Variants in SAXO1 observed in about 807,000 individuals in gnomAD.
The protein encoded by SAXO1 is 4930500O09Rik.
A neutral mutation model predicts 17.5 loss-of-function variants in SAXO1; 21 were observed. That is an observed-to-expected ratio of 1.20 (90% CI 0.85 to 1.72). The LOEUF (loss-of-function observed/expected upper bound fraction) is 1.72. Ranked by LOEUF, SAXO1 falls within the 40% of genes most tolerant of loss-of-function variation. The pLI, the probability that SAXO1 is intolerant of heterozygous loss-of-function variation, is 0.00. For missense variants in SAXO1, 843 were observed against 596.0 expected (o/e 1.41, Z -4.32); for synonymous variants, 274 against 216.5 (o/e 1.27, Z -2.33).
In SAXO1 at chr9:18,928,118, C is replaced by T. The variant is rs1291973238; in HGVS notation, c.1359G>A (p.Gln453=). The change falls in exon 4 of 4, where the codon CAG becomes CAA. Residue 453 remains glutamine, a synonymous_variant. Coordinates refer to ENST00000380534, the MANE Select transcript of SAXO1 (RefSeq NM_153707.4). ...YKPVSQAGSQ[Q]SSHLSVDDSE... ...AATCATCTACAGAAAGATGGCTGCTCTGCTGAGAGCCTGCCTGGGAAACTG... is the reference window on the plus strand; with the variant it reads ...AATCATCTACAGAAAGATGGCTGCTTTGCTGAGAGCCTGCCTGGGAAACTG... 2 of 1,614,134 alleles carry T rather than the reference C, an allele frequency of 1.2e-6. No homozygotes were observed. The highest frequency in any genetic ancestry group is 1.7e-6 in the Non-Finnish European group (2 of 1,179,986).
intron 1 of SAXO1, among the ~76,000 whole-genome samples, chr9:19,019,864 G>C (rs750185575): frequency 3.9e-5 from 6 of 152,010 alleles, no homozygotes; most frequent in Non-Finnish European, 8.8e-5. Flanking sequence ...TCCACATTCT[G>C]AACAACCCAG....
intron 1 of SAXO1, among the ~76,000 whole-genome samples, chr9:19,043,145 C>T (rs1836117856): frequency 1.3e-5 from 2 of 151,904 alleles, no homozygotes; most frequent in South Asian, 4.2e-4. Context: ...ACACTCCAGC[C>T]TGAGCAACAG....
At chr9:18,974,971 T>A (rs1016437015) in intron 1 of SAXO1, among the ~76,000 whole-genome samples, 2 of 152,156 alleles carry the variant, frequency 1.3e-5, no homozygotes, top group African/African-American at 4.8e-5. Context: ...AGTGGAGAAA[T>A]CTGGCAGACT....
intron 1 of SAXO1, among the ~76,000 whole-genome samples, chr9:19,042,655 G>A (rs1836104241): frequency 6.6e-6 from 1 of 152,084 alleles, no homozygotes; most frequent in Admixed American, 6.5e-5. Context: ...CAGAGGTTGG[G>A]AATTCAAAAC....
Position 18,928,042 on chromosome 9 carries a change from T to C in SAXO1, c.*10A>G, listed in dbSNP as rs779803261. ...GTACTGTGTAATTTCTAAATTACTA[T>C]TTTTCAAAATCAGGCTAACACTTCC... is the stretch of plus-strand genomic sequence containing the variant. On this transcript the variant is annotated 3_prime_UTR_variant, in exon 4 of 4. Transcript: ENST00000380534. 274 of 1,552,284 alleles carry C rather than the reference T, an allele frequency of 1.8e-4. No individual in the cohort carries two copies. The highest frequency in any genetic ancestry group is 2.2e-4 in the Non-Finnish European group (253 of 1,146,626).
chr9:18,967,126 C>T (rs1832751764), intron 1 of SAXO1, among the ~76,000 whole-genome samples: 1 of 152,164 alleles, frequency 6.6e-6, no homozygotes, highest in Admixed American at 6.5e-5. Context: ...AAGCTTCATC[C>T]CAGAGGGGCA....
chr9:19,028,007 CTG>C, intron 1 of SAXO1: 8 of 1,603,050 alleles, frequency 5.0e-6, no homozygotes, highest in Non-Finnish European at 6.8e-6. Context: ...CAGTGCAAGG[CTG>C]TGTCTGTGGA....
chr9:19,031,350 C>T (rs111595256), intron 1 of SAXO1, among the ~76,000 whole-genome samples: 16,166 of 152,222 alleles, frequency 0.11, 1,007 homozygotes, highest in Non-Finnish European at 0.14. Context: ...CACCTGAGAT[C>T]AGGAGTTCAA....
chr9:19,015,292 A>G (rs1191848292), intron 1 of SAXO1, among the ~76,000 whole-genome samples: 1 of 152,120 alleles, frequency 6.6e-6, no homozygotes, highest in Non-Finnish European at 1.5e-5. Flanking sequence ...CAGCCTCCCA[A>G]GTAATTGGGA....
chr9:19,017,095 G>A (rs1184616668), intron 1 of SAXO1, among the ~76,000 whole-genome samples: 2 of 152,054 alleles, frequency 1.3e-5, no homozygotes, highest in Non-Finnish European at 2.9e-5. Context: ...GATTGCTTGA[G>A]CCCAGGAGTT....
intron 2 of SAXO1, among the ~76,000 whole-genome samples, chr9:18,950,045 T>C (rs1831966833): frequency 6.6e-6 from 1 of 152,152 alleles, no homozygotes; most frequent in South Asian, 2.1e-4. Flanking sequence ...GGTCACTAAC[T>C]GAGTTGTCCA....
rs531065410 is a variant in SAXO1, at chr9:18,962,240, G to A, written c.39-11303C>T. Reference sequence around the variant, plus strand: ...GTGCCACCACACCCGGCTAATTTTTGTATTTTTAGTAGAGTCGGGGTTTCT... The same window carrying A: ...GTGCCACCACACCCGGCTAATTTTTATATTTTTAGTAGAGTCGGGGTTTCT... On this transcript the variant is annotated intron_variant, in intron 1 of 3. Coordinates refer to ENST00000380534, the MANE Select transcript of SAXO1 (RefSeq NM_153707.4). Among the ~76,000 whole-genome samples the A allele has an allele frequency of 3.7e-4, 56 of 152,188 alleles. 1 individual carries two copies. In the South Asian group the frequency reaches 4.8e-3, roughly 13 times the overall value.
intron 1 of SAXO1, among the ~76,000 whole-genome samples, chr9:18,961,618 G>C (rs1429104814): frequency 6.6e-6 from 1 of 152,064 alleles, no homozygotes; most frequent in Non-Finnish European, 1.5e-5. Flanking sequence ...TTAGTTTGCT[G>C]AGAATGATGG....
chr9:19,043,522 T>A lies in SAXO1; in HGVS notation c.-158+5687A>T, dbSNP rs548901696. 1.1e-3 allele frequency among the ~76,000 whole-genome samples: 166 copies of A among 152,136 alleles called. 5 individuals carry two copies. Among genetic ancestry groups the A allele is most frequent in the South Asian group, 6.0e-3 (29 of 4,818 alleles). On this transcript the variant is annotated intron_variant, in intron 1 of 3. Transcript: ENST00000542071. ...TGGCTCACACCTGTAATTGGAGCAC[T>A]TTGGGAGGCCAAGGCGGGCAGATCA... is the stretch of plus-strand genomic sequence containing the variant.
At chr9:18,934,013 C>T (rs917034742) in intron 3 of SAXO1, among the ~76,000 whole-genome samples, 1 of 152,138 alleles carries the variant, frequency 6.6e-6, no homozygotes, top group African/African-American at 2.4e-5. Context: ...AGCCACTGCA[C>T]TCCAGCCTGA....
At chr9:18,969,080 A>G (rs1832848716) in intron 1 of SAXO1, among the ~76,000 whole-genome samples, 1 of 152,058 alleles carries the variant, frequency 6.6e-6, no homozygotes, top group Non-Finnish European at 1.5e-5. Context: ...GTCTAAATTA[A>G]GGAAATATGT....
chr9:18,928,171 C>T lies in SAXO1; in HGVS notation c.1306G>A (p.Asp436Asn), dbSNP rs191325780. The T allele has an allele frequency of 1.9e-6, 3 of 1,614,210 alleles. No individual in the cohort carries two copies. Among genetic ancestry groups the T allele is most frequent in the Non-Finnish European group, 8.5e-7 (1 of 1,180,038 alleles). Residue 436 changes from aspartate to asparagine, a missense_variant, in exon 4 of 4, where the codon GAT (aspartate) becomes AAT (asparagine). By Grantham distance (23) the Asp-to-Asn change is conservative (BLOSUM62 1). Coordinates refer to ENST00000380534, the MANE Select transcript of SAXO1 (RefSeq NM_153707.4). ...EPPGYTFEEV[D>N]ALGHRIYKPV... is the part of the protein sequence containing the mutation. ...TTGTATATCCTGTGACCCAAAGCAT[C>T]CACTTCCTCAAAGGTGTAGCCAGGA...
At chr9:19,040,876 T>C (rs1314434176) in intron 1 of SAXO1, among the ~76,000 whole-genome samples, 1 of 151,894 alleles carries the variant, frequency 6.6e-6, no homozygotes, top group East Asian at 1.9e-4. Flanking sequence ...AACAGAACTA[T>C]ATACTTACGT....
At chr9:18,997,161 C>G (rs1007635874) in intron 1 of SAXO1, among the ~76,000 whole-genome samples, 1 of 152,176 alleles carries the variant, frequency 6.6e-6, no homozygotes, top group African/African-American at 2.4e-5. Context: ...CCAGGAAGAA[C>G]AAGGGGTTGG....
Sources: gnomAD v4.1 joint callset for allele counts (sites outside exome capture counted in the v4.1 genomes callset) on GRCh38, gnomAD v4.1.1 for gene constraint, MANE v1.5 for transcripts, NCBI Gene and HGNC (gene_info 2026-07-23, HGNC 2026-07-21) for gene names.